SETD2: variants seen among roughly 807,000 people sequenced by gnomAD.
The protein encoded by SETD2 is SET domain containing 2, histone lysine methyltransferase, also known as histone-lysine N-methyltransferase SETD2.
A neutral mutation model predicts 242.1 loss-of-function variants in SETD2; 31 were observed. The observed-to-expected ratio is 0.13, with a 90% CI of 0.10 to 0.17. The LOEUF is 0.17. Among genes scored for constraint, SETD2 ranks in the 10% least tolerant of loss-of-function variants. SETD2 has a pLI of 1.00. For synonymous variants in SETD2, 1,006 were observed against 1,066.5 expected (o/e 0.94, Z 1.11); for missense variants, 2,481 against 3,046.3 (o/e 0.81, Z 4.37).
In SETD2 at chr3:47,120,847, A is replaced by T. The variant is rs1180921502; in HGVS notation, c.3789T>A (p.Ser1263=). Residue 1263 remains serine (S), a synonymous_variant, in exon 3 of 21, where the codon TCT becomes TCA. Transcript: ENST00000409792. The part of the protein sequence containing the change: ...EELRNLGWDF[S]QEKPSTTYQQ... The stretch of plus-strand genomic sequence containing the variant: ...GATACGTGGTAGAAGGCTTTTCTTG[A>T]GAGAAGTCCCAACCTAAGTTTCTGA... 3.7e-6 allele frequency: 6 copies of T among 1,614,198 alleles called. No homozygotes were observed. Among genetic ancestry groups the T allele is most frequent in the African/African-American group, 1.3e-5 (1 of 75,040 alleles).
At chr3:47,106,220 T>A (rs1329838676) in intron 5 of SETD2, 100 bp from the exon 6 acceptor site, 5 of 1,001,228 alleles carry the variant, frequency 5.0e-6, no homozygotes, top group Non-Finnish European at 5.7e-6. Flanking sequence ...AATACTGCAA[T>A]GTGGATAAAT....
chr3:47,030,467 T>C (rs1263028912), intron 18 of SETD2, among the ~76,000 whole-genome samples: 1 of 152,038 alleles, frequency 6.6e-6, no homozygotes, highest in Non-Finnish European at 1.5e-5. Context: ...TTTAATAACA[T>C]GTATGTAATT....
Position 47,121,031 on chromosome 3 carries a change from A to G in SETD2, c.3605T>C (p.Leu1202Pro), listed in dbSNP as rs777689107. The part of the protein sequence containing the change: ...AKIPSRQQEE[L>P]PIYSSDFEDV... Reference sequence around the variant, plus strand: ...TTCAAAATCAGAAGAATAAATTGGCAGCTCTTCTTGCTGCCTAGAAGGTAT... The same window carrying G: ...TTCAAAATCAGAAGAATAAATTGGCGGCTCTTCTTGCTGCCTAGAAGGTAT... Residue 1202 changes from leucine to proline, a missense_variant, in exon 3 of 21, where the codon CTG becomes CCG. Coordinates refer to ENST00000409792, the MANE Select transcript of SETD2 (RefSeq NM_014159.7). The G allele has an allele frequency of 6.2e-7, 1 of 1,614,218 alleles. No homozygotes were observed. The highest frequency in any genetic ancestry group is 1.1e-5 in the South Asian group (1 of 91,086).
intron 16 of SETD2, among the ~76,000 whole-genome samples, chr3:47,043,998 AAAGATC>A (rs1489269106): frequency 1.3e-5 from 2 of 152,142 alleles, no homozygotes; most frequent in Non-Finnish European, 2.9e-5. Flanking sequence ...CTCTTATTTG[AAAGATC>A]AGCTTTTAAG....
intron 14 of SETD2, among the ~76,000 whole-genome samples, chr3:47,061,558 T>C (rs2040330988): frequency 6.6e-6 from 1 of 152,162 alleles, no homozygotes; most frequent in Admixed American, 6.6e-5. Flanking sequence ...ATTTAGTAAT[T>C]AGGGGAATGC....
chr3:47,103,427 G>A lies in SETD2; in HGVS notation c.4840-4C>T, dbSNP rs2107688828. The A allele has an allele frequency of 6.3e-7, 1 of 1,593,978 alleles. No individual in the cohort carries two copies. Among genetic ancestry groups the A allele is most frequent in the Non-Finnish European group, 8.6e-7 (1 of 1,162,032 alleles). ...CTTTTTGAGTGGCATCTATTATCTG[G>A]GAGAAGAGGATCATTTAAGAATTAA... On this transcript the variant is annotated splice_region_variant and splice_polypyrimidine_tract_variant and intron_variant, in intron 6 of 20. Transcript: ENST00000409792.
At chr3:47,124,649 T>C (rs1168450317) in intron 2 of SETD2, 101 bp from the exon 3 acceptor site, 1 of 1,020,166 alleles carries the variant, frequency 9.8e-7, no homozygotes, top group Non-Finnish European at 1.4e-6. Flanking sequence ...AAAGCCCTTT[T>C]TAATAACAAA....
chr3:47,043,035 TAAAA>T (rs745775506), intron 16 of SETD2, among the ~76,000 whole-genome samples: 1 of 132,926 alleles, frequency 7.5e-6, no homozygotes, highest in Non-Finnish European at 1.6e-5. Flanking sequence ...TCTTTATCTT[TAAAA>T]AAAAAAAAAA....
In SETD2 at chr3:47,050,930, A is replaced by G. The variant is rs756899884; in HGVS notation, c.6964-4309T>C. On this transcript the variant is annotated intron_variant, in intron 15 of 20. Coordinates refer to ENST00000409792, the MANE Select transcript of SETD2 (RefSeq NM_014159.7). Reference sequence around the variant, plus strand: ...GTATTTTTAGTAGAAACAAGGTTTCACCATGTTGGCCAGGCTGGTCTTGAA... The same window carrying G: ...GTATTTTTAGTAGAAACAAGGTTTCGCCATGTTGGCCAGGCTGGTCTTGAA... 3.3e-5 allele frequency among the ~76,000 whole-genome samples: 5 copies of G among 151,486 alleles called. No homozygotes were observed. The South Asian group carries it at 1.0e-3, about 31-fold the overall frequency.
rs1005505765 is a variant in SETD2, at chr3:47,120,615, A to G, written c.4021T>C (p.Trp1341Arg). 1.2e-6 allele frequency: 2 copies of G among 1,614,086 alleles called. No homozygotes were observed. Among genetic ancestry groups the G allele is most frequent in the Non-Finnish European group, 1.7e-6 (2 of 1,180,032 alleles). ...AAATGGGATCCATCCTGTTGATCCC[A>G]ATTCTCCTCTTCTTCACGATCATCT... ...LTDDREEEENWDQQDGSHFSD... is the reference protein window; with the variant it reads ...LTDDREEEENRDQQDGSHFSD... Residue 1341 changes from tryptophan (W) to arginine (R), a missense_variant, in exon 3 of 21, where the codon TGG becomes CGG. Physicochemically the swap from Trp to Arg is moderately radical, Grantham distance 101. Transcript: ENST00000409792.
intron 9 of SETD2, among the ~76,000 whole-genome samples, chr3:47,096,937 T>A (rs1325491885): frequency 6.6e-6 from 1 of 152,128 alleles, no homozygotes; most frequent in Non-Finnish European, 1.5e-5. Flanking sequence ...TTTTTTTAAC[T>A]TTTTTTAACT....
chr3:47,150,028 C>CTT lies in SETD2; in HGVS notation c.71+13824_71+13825dup, dbSNP rs71098457. ...GTGTCTTTTGGCATATCCAAAAATACTTTTTTTTTTTTTTTTTTTTGAGAC... is the reference window on the plus strand; with the variant it reads ...GTGTCTTTTGGCATATCCAAAAATACTTTTTTTTTTTTTTTTTTTTTTGAGAC... On this transcript the variant is annotated intron_variant, in intron 1 of 20. Coordinates refer to ENST00000409792, the MANE Select transcript of SETD2 (RefSeq NM_014159.7). Among the ~76,000 whole-genome samples, 44 of 92,424 alleles carry CTT rather than the reference C, an allele frequency of 4.8e-4. 2 individuals carry two copies. Among genetic ancestry groups the CTT allele is most frequent in the African/African-American group, 8.8e-4 (20 of 22,728 alleles). 60.6% of individuals were successfully genotyped at this position (92,424 alleles called of 152,430 possible).
At chr3:47,129,928 T>C (rs2043438667) in intron 1 of SETD2, among the ~76,000 whole-genome samples, 1 of 151,376 alleles carries the variant, frequency 6.6e-6, no homozygotes, top group African/African-American at 2.4e-5. Flanking sequence ...TCTACTTTTC[T>C]GACATAATTA....
intron 10 of SETD2, among the ~76,000 whole-genome samples, chr3:47,087,860 T>A (rs1251264516): frequency 1.1e-5 from 1 of 91,136 alleles, no homozygotes; most frequent in African/African-American, 5.3e-5. Context: ...TCCCAGCTAC[T>A]CAGGACGCTG....
chr3:47,038,544 G>A (rs376819368), intron 17 of SETD2, among the ~76,000 whole-genome samples: 1 of 152,144 alleles, frequency 6.6e-6, no homozygotes, highest in African/African-American at 2.4e-5. Context: ...CAACCTGGGA[G>A]GCGGAGGTTG....
intron 1 of SETD2, among the ~76,000 whole-genome samples, chr3:47,152,611 G>C (rs1180494135): frequency 6.6e-6 from 1 of 152,122 alleles, no homozygotes; most frequent in African/African-American, 2.4e-5. Context: ...CCAAATATCA[G>C]ACAAAAGCCT....
chr3:47,154,919 A>G (rs1265743154), intron 1 of SETD2, among the ~76,000 whole-genome samples: 1 of 152,048 alleles, frequency 6.6e-6, no homozygotes, highest in Non-Finnish European at 1.5e-5. Context: ...GCGTGAGCCC[A>G]GGAGGCGGAG....
chr3:47,131,565 G>A (rs1379894795), intron 1 of SETD2, among the ~76,000 whole-genome samples: 5 of 152,052 alleles, frequency 3.3e-5, no homozygotes, highest in Non-Finnish European at 5.9e-5. Context: ...GGATGGTCTC[G>A]ATCTCGACCT....
At chr3:47,085,337 T>C (rs1042658343) in intron 11 of SETD2, among the ~76,000 whole-genome samples, 2 of 152,230 alleles carry the variant, frequency 1.3e-5, no homozygotes, top group Non-Finnish European at 2.9e-5. Context: ...GTCTGTGATA[T>C]ACACTTAGCA....
Sources: gnomAD v4.1 joint callset for allele counts (sites outside exome capture counted in the v4.1 genomes callset) on GRCh38, gnomAD v4.1.1 for gene constraint, MANE v1.5 for transcripts, NCBI Gene and HGNC (gene_info 2026-07-23, HGNC 2026-07-21) for gene names.